Variants in RBFOX1 observed in about 807,000 individuals in gnomAD.
RBFOX1 encodes RNA binding fox-1 homolog 1, also known as RNA binding protein fox-1 homolog 1.
In RBFOX1, 8 loss-of-function variants were observed where a neutral mutation model predicts 57.7. That is an observed-to-expected ratio of 0.14 (90% confidence interval 0.08 to 0.25). The LOEUF is 0.25. RBFOX1 is among the 10% of genes least tolerant of loss of function. RBFOX1 has a pLI of 1.00. For missense variants in RBFOX1, 611 were observed against 548.5 expected (o/e 1.11, Z -1.14); for synonymous variants, 326 against 222.4 (o/e 1.47, Z -4.15).
At chr16:5,705,015 C>A (rs1596850956) in intron 3 of RBFOX1, among the ~76,000 whole-genome samples, 1 of 141,524 alleles carries the variant, frequency 7.1e-6, no homozygotes, top group Admixed American at 7.0e-5. Flanking sequence ...GGAATCTCTC[C>A]CTCCAGCCCA....
intron 3 of RBFOX1, among the ~76,000 whole-genome samples, chr16:6,921,621 T>G (rs1212428883): frequency 7.7e-6 from 1 of 130,106 alleles, no homozygotes; most frequent in Admixed American, 8.3e-5. Flanking sequence ...ATACATAAAT[T>G]ACTGTATATA....
intron 10 of RBFOX1, among the ~76,000 whole-genome samples, chr16:7,618,469 C>T (rs763094459): frequency 9.9e-5 from 15 of 151,900 alleles, no homozygotes; most frequent in Admixed American, 7.2e-4. Context: ...AAACTTATTT[C>T]GTGGTTTTCT....
intron 2 of RBFOX1, among the ~76,000 whole-genome samples, chr16:6,502,800 A>G (rs2095976243): frequency 6.6e-6 from 1 of 152,048 alleles, no homozygotes; most frequent in Non-Finnish European, 1.5e-5. Context: ...GATGTAAGAT[A>G]CTTCTTTCTT....
intron 3 of RBFOX1, among the ~76,000 whole-genome samples, chr16:6,996,936 G>A (rs1054455074): frequency 2.6e-5 from 4 of 152,030 alleles, no homozygotes; most frequent in African/African-American, 7.2e-5. Context: ...TCAGACTAGA[G>A]AATTTTTAAT....
chr16:6,661,875 C>G (rs1193940120), intron 3 of RBFOX1, among the ~76,000 whole-genome samples: 4 of 152,144 alleles, frequency 2.6e-5, no homozygotes, highest in Non-Finnish European at 5.9e-5. Context: ...TACTGTTGTG[C>G]ATAATGGCTA....
chr16:6,964,540 C>A (rs924869899), intron 3 of RBFOX1, among the ~76,000 whole-genome samples: 3 of 152,222 alleles, frequency 2.0e-5, no homozygotes, highest in African/African-American at 7.2e-5. Flanking sequence ...GAAGCTATGC[C>A]TGTGTGGGGC....
intron 4 of RBFOX1, among the ~76,000 whole-genome samples, chr16:7,252,879 C>A (rs971171282): frequency 2.0e-5 from 3 of 152,020 alleles, no homozygotes; most frequent in Non-Finnish European, 2.9e-5. Flanking sequence ...ATATGACCTA[C>A]CCATATTTGG....
intron 3 of RBFOX1, among the ~76,000 whole-genome samples, chr16:6,908,093 T>G (rs1009343325): frequency 6.6e-6 from 1 of 151,770 alleles, no homozygotes; most frequent in Non-Finnish European, 1.5e-5. Flanking sequence ...AAGGTCACAT[T>G]CACAGCTACT....
chr16:5,564,019 AT>A lies in RBFOX1; in HGVS notation c.259-34876del, dbSNP rs537646143. Among the ~76,000 whole-genome samples the A allele has an allele frequency of 9.4e-4, 143 of 151,914 alleles. 3 individuals carry two copies. In the South Asian group the frequency reaches 0.011, roughly 12 times the overall value. On this transcript the variant is annotated intron_variant, in intron 2 of 2. Coordinates refer to the RBFOX1 transcript ENST00000585867. ...GTGTAGGAGAGAGTTTTTTTAAAAA[AT>A]TTTTTTATTTTTAGACTGAGTCTTG...
At chr16:7,037,135 G>T (rs563707218) in intron 3 of RBFOX1, among the ~76,000 whole-genome samples, 2 of 151,088 alleles carry the variant, frequency 1.3e-5, no homozygotes, top group Non-Finnish European at 2.9e-5. Context: ...AGGTCCTTAC[G>T]ACCTGTATCT....
intron 1 of RBFOX1, among the ~76,000 whole-genome samples, chr16:5,426,416 A>G (rs1337951495): frequency 1.3e-5 from 2 of 152,206 alleles, no homozygotes; most frequent in African/African-American, 4.8e-5. Context: ...ATTGAACCTA[A>G]AAGACTAAAA....
chr16:6,368,577 A>G (rs949844842), intron 2 of RBFOX1, among the ~76,000 whole-genome samples: 3 of 152,162 alleles, frequency 2.0e-5, no homozygotes. Context: ...CTGCTCTATG[A>G]TCTGAGCTTC....
intron 2 of RBFOX1, among the ~76,000 whole-genome samples, chr16:6,543,806 T>C (rs1599380113): frequency 6.6e-6 from 1 of 152,058 alleles, no homozygotes; most frequent in East Asian, 1.9e-4. Flanking sequence ...CTACAGAGTC[T>C]ACCCTGGCAG....
At chr16:7,193,476 T>C (rs1386789490) in intron 4 of RBFOX1, among the ~76,000 whole-genome samples, 1 of 152,228 alleles carries the variant, frequency 6.6e-6, no homozygotes, top group Non-Finnish European at 1.5e-5. Flanking sequence ...TTGAGGTCTT[T>C]GTTACAGCAG....
At chr16:5,453,742 G>T (rs978660113) in intron 1 of RBFOX1, among the ~76,000 whole-genome samples, 2 of 152,214 alleles carry the variant, frequency 1.3e-5, no homozygotes, top group African/African-American at 4.8e-5. Context: ...ACACCAGTTA[G>T]AGATCAGCTT....
chr16:6,119,030 A>C (rs537171719), intron 1 of RBFOX1, among the ~76,000 whole-genome samples: 1 of 96,828 alleles, frequency 1.0e-5, no homozygotes, highest in Non-Finnish European at 2.4e-5. Flanking sequence ...TTTTTTTTTG[A>C]TCTTTCATGA....
chr16:7,333,085 T>G lies in RBFOX1; in HGVS notation c.28-185062T>G, dbSNP rs766344856. ...CAGCTCCTTACCTTCCTGGACTGAT[T>G]CAGGTAATTCAAGGCCTCTGCCAGC... On this transcript the variant is annotated intron_variant, in intron 4 of 15. Coordinates refer to ENST00000550418, the MANE Select transcript of RBFOX1 (RefSeq NM_018723.4). The G allele has an allele frequency of 2.2e-5, 35 of 1,613,426 alleles. No individual in the cohort carries two copies. The highest frequency in any genetic ancestry group is 2.9e-5 in the Non-Finnish European group (34 of 1,179,630).
rs546355342 is a variant in RBFOX1 at position 7,150,815 on chromosome 16, C to G, written c.27+98717C>G. Among the ~76,000 whole-genome samples the G allele has an allele frequency of 3.3e-5, 5 of 152,310 alleles. No individual in the cohort carries two copies. In the East Asian group the frequency reaches 7.7e-4, roughly 24 times the overall value. On this transcript the variant is annotated intron_variant, in intron 4 of 15. Transcript: ENST00000550418. ...TAATAATTTACTCAATCTATTGATG[C>G]TTGTTAATTGAAGTCGCTGAGAAAA...
intron 3 of RBFOX1, among the ~76,000 whole-genome samples, chr16:6,852,362 C>T (rs75772766): frequency 6.6e-6 from 1 of 152,124 alleles, no homozygotes; most frequent in Non-Finnish European, 1.5e-5. Flanking sequence ...GTTGATCACC[C>T]ATTTTGTGAG....
Sources: allele counts gnomAD v4.1 joint callset (sites outside exome capture counted in the v4.1 genomes callset), GRCh38; gene constraint gnomAD v4.1.1; transcripts MANE v1.5; gene names NCBI Gene and HGNC (gene_info 2026-07-23, HGNC 2026-07-21).